The following NDUFA10 variants were observed in gnomAD, a reference collection of about 807,000 sequenced individuals.
NDUFA10 encodes NADH dehydrogenase [ubiquinone] 1 alpha subcomplex subunit 10, mitochondrial.
Under a neutral mutation model 47.8 loss-of-function variants are expected in NDUFA10, and 40 were observed. The observed-to-expected ratio is 0.84, with a 90% CI of 0.65 to 1.09. The LOEUF is 1.09. Ranked by LOEUF, NDUFA10 falls within the 50% of genes least tolerant of loss-of-function variation. The probability of loss-of-function intolerance (pLI) is 0.00; values close to 1 mark genes in which losing one functional copy is unlikely to be tolerated. For missense variants in NDUFA10, 413 were observed against 451.1 expected, an observed-to-expected ratio of 0.92 and a Z score of 0.76; for synonymous variants, 183 against 172.2, an observed-to-expected ratio of 1.06 and a Z score of -0.49.
At chr2:239,969,485 A>G in intron 9 of NDUFA10, 1 of 354,164 alleles carries the variant, frequency 2.8e-6, no homozygotes, top group South Asian at 2.1e-5. Flanking sequence ...CGCACGTTAC[A>G]GAATGTGCCT....
At chr2:239,894,773 C>G (rs1693360207) in intron 5 of NDUFA10, among the ~76,000 whole-genome samples, 1 of 152,208 alleles carries the variant, frequency 6.6e-6, no homozygotes, top group Admixed American at 6.5e-5. Context: ...CGCCTCTTCT[C>G]TCACCATGGC....
At chr2:239,907,587 G>A (rs1214017439) in intron 4 of NDUFA10, among the ~76,000 whole-genome samples, 1 of 152,210 alleles carries the variant, frequency 6.6e-6, no homozygotes, top group Admixed American at 6.5e-5. Context: ...AGTGGGCGAA[G>A]GATATAAACA....
chr2:239,908,782 G>A (rs1693699701), intron 4 of NDUFA10, among the ~76,000 whole-genome samples: 1 of 152,166 alleles, frequency 6.6e-6, no homozygotes, highest in Non-Finnish European at 1.5e-5. Context: ...GGCCCTCAGT[G>A]CCCTCCACAG....
intron 2 of NDUFA10, 43 bp downstream of exon 2, chr2:240,022,129 T>C: frequency 6.4e-7 from 1 of 1,558,452 alleles, no homozygotes; most frequent in Non-Finnish European, 8.8e-7. Context: ...AGCAACCATA[T>C]ATCTGAGAAA....
At chr2:239,900,876 C>A (rs1693531575) in intron 4 of NDUFA10, among the ~76,000 whole-genome samples, 1 of 152,190 alleles carries the variant, frequency 6.6e-6, no homozygotes, top group South Asian at 2.1e-4. Context: ...AGGAAAGAAG[C>A]CATCTTCATC....
At chr2:239,921,226 C>T (rs1253863527) in intron 4 of NDUFA10, among the ~76,000 whole-genome samples, 1 of 151,890 alleles carries the variant, frequency 6.6e-6, no homozygotes, top group East Asian at 1.9e-4. Flanking sequence ...CCTGCTGTGT[C>T]CAGAGCTGCT....
At chr2:239,956,132 C>G (rs1013068355), downstream of NDUFA10, among the ~76,000 whole-genome samples, 1 of 152,210 alleles carries the variant, frequency 6.6e-6, no homozygotes, top group African/African-American at 2.4e-5. Flanking sequence ...AGAGCTAGCA[C>G]ATCTGGACCC....
intron 8 of NDUFA10, among the ~76,000 whole-genome samples, chr2:240,000,988 A>G (rs1161508203): frequency 6.6e-6 from 1 of 152,228 alleles, no homozygotes; most frequent in Non-Finnish European, 1.5e-5. Context: ...TACATACACA[A>G]AGCAGTGCTA....
chr2:239,991,455 G>C (rs1416972016), intron 8 of NDUFA10, among the ~76,000 whole-genome samples: 1 of 152,098 alleles, frequency 6.6e-6, no homozygotes, highest in Admixed American at 6.5e-5. Flanking sequence ...CGTTTTCTTA[G>C]TTTTACTATT....
chr2:239,946,084 GGGCCACACCTT>G (rs1694447391), intron 4 of NDUFA10, among the ~76,000 whole-genome samples: 1 of 152,198 alleles, frequency 6.6e-6, no homozygotes, highest in African/African-American at 2.4e-5. Flanking sequence ...CCAGAGAGAG[GGGCCACACCTT>G]GGCAGCTGTG....
chr2:239,948,605 A>G (rs192597006), intron 4 of NDUFA10, among the ~76,000 whole-genome samples: 186 of 151,818 alleles, frequency 1.2e-3, no homozygotes, highest in Non-Finnish European at 2.1e-3. Flanking sequence ...GAAAGCACAA[A>G]TACACGTCGG....
rs114528018 is a variant in NDUFA10, at chr2:239,979,625, C to A, written c.999+10449G>T. ...ACAGTGCCTACTCTCAGCGCCCCCG[C>A]CCATAGCACCAGCACTCTCACCTGC... On this transcript the variant is annotated intron_variant, in intron 9 of 9. Transcript: ENST00000252711. Among the ~76,000 whole-genome samples the A allele has an allele frequency of 2.9e-3, 436 of 152,262 alleles. 1 individual carries two copies. The highest frequency in any genetic ancestry group is 4.5e-3 in the Non-Finnish European group (305 of 68,012).
At chr2:239,950,347 T>C (rs1694530861) in intron 4 of NDUFA10, among the ~76,000 whole-genome samples, 1 of 152,162 alleles carries the variant, frequency 6.6e-6, no homozygotes, top group East Asian at 1.9e-4. Context: ...GGGCATGCCT[T>C]GGCCCAAGCA....
intron 9 of NDUFA10, among the ~76,000 whole-genome samples, chr2:239,965,029 C>T (rs1695003250): frequency 6.6e-6 from 1 of 152,184 alleles, no homozygotes; most frequent in Non-Finnish European, 1.5e-5. Flanking sequence ...ACAGGACCAG[C>T]CACGCAGGTC....
intron 4 of NDUFA10, among the ~76,000 whole-genome samples, chr2:239,914,832 C>A (rs576538715): frequency 6.7e-6 from 1 of 149,716 alleles, no homozygotes; most frequent in South Asian, 2.1e-4. Context: ...CATACATACA[C>A]ACACACAAAT....
intron 4 of NDUFA10, among the ~76,000 whole-genome samples, chr2:239,926,910 A>C (rs1205798670): frequency 6.6e-6 from 1 of 152,184 alleles, no homozygotes; most frequent in Non-Finnish European, 1.5e-5. Flanking sequence ...AAGGGGAAGC[A>C]AGACACGTCT....
chr2:240,005,287 C>G lies in NDUFA10; in HGVS notation c.813G>C (p.Glu271Asp), dbSNP rs148131506. Residue 271 changes from glutamate to aspartate, a missense_variant, in exon 8 of 10, where the codon GAG becomes GAC. By Grantham distance (45) the Glu-to-Asp change is conservative. Coordinates refer to ENST00000252711, the MANE Select transcript of NDUFA10 (RefSeq NM_004544.4). The stretch of plus-strand genomic sequence containing the variant: ...TATCGAACTTCAGGTATTCAATGTC[C>G]TCTACCACCTAAGACAGGAAAAATT... ...REAQDSKKVV[E>D]DIEYLKFDKG... 5.6e-6 allele frequency: 9 copies of G among 1,613,668 alleles called. No individual in the cohort carries two copies. In the South Asian group the frequency reaches 8.8e-5, roughly 16 times the overall value.
At chr2:240,018,484 G>A (rs766261841) in intron 4 of NDUFA10, 69 bp downstream of exon 4, 3 of 1,613,714 alleles carry the variant, frequency 1.9e-6, no homozygotes, top group South Asian at 2.2e-5. Flanking sequence ...GTAAGTGCAA[G>A]GTGAGTCTAT....
intron 8 of NDUFA10, among the ~76,000 whole-genome samples, chr2:239,998,983 G>A (rs1487845308): frequency 6.6e-6 from 1 of 152,170 alleles, no homozygotes; most frequent in Non-Finnish European, 1.5e-5. Flanking sequence ...CAGCACACAG[G>A]CTCAGGATGC....
Sources: gnomAD v4.1 joint callset for allele counts (sites outside exome capture counted in the v4.1 genomes callset) on GRCh38, gnomAD v4.1.1 for gene constraint, MANE v1.5 for transcripts, NCBI Gene and HGNC (gene_info 2026-07-23, HGNC 2026-07-21) for gene names.